The following RIMS2 variants were observed in gnomAD, a reference collection of about 807,000 sequenced individuals.
The protein encoded by RIMS2 is regulating synaptic membrane exocytosis 2, also known as regulating synaptic membrane exocytosis protein 2.
Under a neutral mutation model 174.4 loss-of-function variants are expected in RIMS2, and 59 were observed. That is an observed-to-expected ratio of 0.34 (90% CI 0.27 to 0.42). The LOEUF is 0.42. RIMS2 is among the 10% of genes least tolerant of loss of function. RIMS2 has a pLI of 1.00. For synonymous variants in RIMS2, 606 were observed against 572.5 expected (o/e 1.06, Z -0.84); for missense variants, 1,620 against 1,666.3 (o/e 0.97, Z 0.48).
At chr8:103,630,862 A>C (rs2095901064) in intron 1 of RIMS2, among the ~76,000 whole-genome samples, 1 of 152,174 alleles carries the variant, frequency 6.6e-6, no homozygotes, top group Admixed American at 6.5e-5. Context: ...TCTAATGAGC[A>C]GTGAATTGAG....
At chr8:103,885,444 C>T (rs374557980) in exon 4 of RIMS2, 2 of 1,612,474 alleles carry the variant, frequency 1.2e-6, no homozygotes, top group Non-Finnish European at 1.7e-6. Context: ...CAACATGAAC[C>T]TCAGTTTTAT....
intron 19 of RIMS2, among the ~76,000 whole-genome samples, chr8:104,164,721 T>A (rs1001741278): frequency 6.6e-6 from 1 of 152,164 alleles, no homozygotes; most frequent in Non-Finnish European, 1.5e-5. Flanking sequence ...AAATACCACA[T>A]GTTCTTACTT....
chr8:103,609,423 T>C (rs1473954599), intron 1 of RIMS2, among the ~76,000 whole-genome samples: 2 of 152,190 alleles, frequency 1.3e-5, no homozygotes, highest in African/African-American at 2.4e-5. Context: ...TGTCATGAAG[T>C]CTTGCTAGGT....
At chr8:103,766,182 A>G (rs762958238) in intron 2 of RIMS2, 45 bp from the exon 6 acceptor site, 3 of 1,367,990 alleles carry the variant, frequency 2.2e-6, no homozygotes, top group African/African-American at 2.9e-5. Context: ...TTTGTTTTTA[A>G]CTTTTGGGAA....
intron 19 of RIMS2, among the ~76,000 whole-genome samples, chr8:104,233,499 A>G (rs2099242422): frequency 6.6e-6 from 1 of 152,206 alleles, no homozygotes; most frequent in African/African-American, 2.4e-5. Flanking sequence ...CTTGGTAGGA[A>G]TGGCAGAGAT....
chr8:103,672,099 A>C (rs1391791769), intron 1 of RIMS2, among the ~76,000 whole-genome samples: 6 of 152,194 alleles, frequency 3.9e-5, no homozygotes. Context: ...CAAAGGGATA[A>C]ATAAAAGGTT....
intron 19 of RIMS2, among the ~76,000 whole-genome samples, chr8:104,206,633 A>G (rs956932467): frequency 6.6e-6 from 1 of 152,212 alleles, no homozygotes; most frequent in African/African-American, 2.4e-5. Flanking sequence ...ATTATCTCCT[A>G]TTTACAAGTA....
intron 1 of RIMS2, among the ~76,000 whole-genome samples, chr8:103,514,437 T>C (rs992237647): frequency 7.2e-5 from 11 of 152,172 alleles, no homozygotes; most frequent in Middle Eastern, 3.2e-3. Context: ...CTGGGAAAGA[T>C]TGGGGGCATC....
rs562556197 is a variant in RIMS2, at chr8:103,958,126, G to A, written c.2702-2939G>A. 3.2e-4 allele frequency among the ~76,000 whole-genome samples: 48 copies of A among 152,074 alleles called. 1 individual carries two copies. Among genetic ancestry groups the A allele is most frequent in the Admixed American group, 2.2e-3 (33 of 15,274 alleles). ...GTGAATGTTCTTTGTAGCACTATTC[G>A]CAATAGCAAAGACATGGAATTAACC... is the stretch of plus-strand genomic sequence containing the variant. On this transcript the variant is annotated intron_variant, in intron 14 of 23. Transcript: ENST00000504942.
rs189252873 is a variant in RIMS2, at chr8:104,171,121, G to C, written c.3335-73795G>C. Among the ~76,000 whole-genome samples, 21 of 152,110 alleles carry C rather than the reference G, an allele frequency of 1.4e-4. No homozygotes were observed. In the East Asian group the frequency reaches 3.5e-3, roughly 25 times the overall value. On this transcript the variant is annotated intron_variant, in intron 19 of 23. Coordinates refer to ENST00000504942, the Ensembl canonical transcript of RIMS2. ...TAGCCTGATGACTATGTGCCTTGGT[G>C]GTGATCTTTTGCAATGAATTTTCCC...
chr8:104,087,379 A>G (rs2097554608), intron 19 of RIMS2, among the ~76,000 whole-genome samples: 1 of 151,774 alleles, frequency 6.6e-6, no homozygotes, highest in Admixed American at 6.6e-5. Flanking sequence ...TGATTGATAC[A>G]TGGATGGATG....
chr8:103,638,946 G>A (rs576054432), intron 1 of RIMS2, among the ~76,000 whole-genome samples: 14 of 151,890 alleles, frequency 9.2e-5, no homozygotes, highest in South Asian at 4.1e-4. Flanking sequence ...GTAAATTTGC[G>A]TGATTTTGTA....
At chr8:103,808,307 C>T (rs1172098594) in intron 3 of RIMS2, among the ~76,000 whole-genome samples, 1 of 152,120 alleles carries the variant, frequency 6.6e-6, no homozygotes, top group East Asian at 1.9e-4. Flanking sequence ...TCTTCTGTTT[C>T]CTTCACTGGC....
intron 19 of RIMS2, among the ~76,000 whole-genome samples, chr8:104,230,637 C>T (rs1465611501): frequency 6.6e-6 from 1 of 152,094 alleles, no homozygotes; most frequent in Non-Finnish European, 1.5e-5. Context: ...CAAAGTGAGA[C>T]TCTGTCTCAA....
At chr8:103,738,327 A>C (rs1017375510) in intron 2 of RIMS2, among the ~76,000 whole-genome samples, 1 of 152,224 alleles carries the variant, frequency 6.6e-6, no homozygotes, top group Non-Finnish European at 1.5e-5. Context: ...CTGGCTAGCC[A>C]TATGTAGAAA....
chr8:103,886,999 A>T (rs1443628680), intron 4 of RIMS2, among the ~76,000 whole-genome samples: 1 of 151,756 alleles, frequency 6.6e-6, no homozygotes, highest in Admixed American at 6.6e-5. Context: ...ACTTTGGATT[A>T]TTTTAAGCTT....
chr8:104,093,349 A>G (rs763255934), intron 19 of RIMS2, 122 bp from the exon 24 acceptor site: 73 of 627,638 alleles, frequency 1.2e-4, no homozygotes, highest in Non-Finnish European at 1.6e-4. Flanking sequence ...TTTATATGCA[A>G]CTGAGTGGGA....
At chr8:103,970,232 T>C (rs1246799306) in intron 15 of RIMS2, among the ~76,000 whole-genome samples, 1 of 152,184 alleles carries the variant, frequency 6.6e-6, no homozygotes, top group East Asian at 1.9e-4. Flanking sequence ...TTTCAAGTGG[T>C]TCTCATTTTT....
intron 4 of RIMS2, among the ~76,000 whole-genome samples, chr8:103,886,860 C>A (rs1166913023): frequency 1.3e-5 from 2 of 151,482 alleles, no homozygotes; most frequent in Non-Finnish European, 3.0e-5. Context: ...TAAGATTATA[C>A]CACAACTAAA....
Sources: gnomAD v4.1 joint callset for allele counts (sites outside exome capture counted in the v4.1 genomes callset) on GRCh38, gnomAD v4.1.1 for gene constraint, MANE v1.5 for transcripts, NCBI Gene and HGNC (gene_info 2026-07-23, HGNC 2026-07-21) for gene names.